The following CDK16 variants were observed in gnomAD, a reference collection of about 807,000 sequenced individuals.
CDK16 encodes cyclin-dependent kinase 16.
Under a neutral mutation model 41.6 loss-of-function variants are expected in CDK16, and 2 were observed. That is an observed-to-expected ratio of 0.05 (90% CI 0.02 to 0.15). CDK16 has a LOEUF of 0.15. Ranked by LOEUF, CDK16 falls within the 10% of genes least tolerant of loss-of-function variation. The pLI, the probability that CDK16 is intolerant of heterozygous loss-of-function variation, is 1.00. For missense variants in CDK16, 228 were observed against 428.9 expected, an observed-to-expected ratio of 0.53 and a Z score of 4.14; for synonymous variants, 169 against 169.7, an observed-to-expected ratio of 1.00 and a Z score of 0.03.
In CDK16 at chrX:47,218,727, C is replaced by G; in HGVS notation, c.-385C>G. 2 of 1,161,176 alleles carry G rather than the reference C, an allele frequency of 1.7e-6. No individual in the cohort carries two copies. The highest frequency in any genetic ancestry group is 2.3e-6 in the Non-Finnish European group (2 of 870,899). On this transcript the variant is annotated 5_prime_UTR_variant, in exon 1 of 16. Transcript: ENST00000357227. ...CTGCGTGCGCATGCGCGGAGCGCGG[C>G]GCGCGCGGCGGTTGGGCCGTTGGCT...
upstream of CDK16, chrX:47,218,656 C>G: frequency 8.6e-7 from 1 of 1,168,064 alleles, no homozygotes; most frequent in Non-Finnish European, 1.1e-6. Context: ...TTGGTACATG[C>G]AGTCCGAGGT....
At chrX:47,225,158 C>A (rs1937516834) in intron 6 of CDK16, 56 bp downstream of exon 6, 1 of 824,350 alleles carries the variant, frequency 1.2e-6, no homozygotes, top group Non-Finnish European at 1.8e-6. Flanking sequence ...CTGGCGCACA[C>A]ACTCCATAAT....
rs1033028941 is a variant in CDK16, at chrX:47,229,668, G to A, written c.*900G>A. ...TCCCCTTGCTCCCATCCCACTCGGTGCTGTTGGGTAGGGGCCCTGCCAGGA... is the reference window on the plus strand; with the variant it reads ...TCCCCTTGCTCCCATCCCACTCGGTACTGTTGGGTAGGGGCCCTGCCAGGA... On this transcript the variant is annotated 3_prime_UTR_variant, in exon 16 of 16. Coordinates refer to ENST00000357227, the MANE Select transcript of CDK16 (RefSeq NM_006201.5). 1.7e-4 allele frequency: 31 copies of A among 178,813 alleles called. No homozygotes were observed. Among genetic ancestry groups the A allele is most frequent in the Non-Finnish European group, 2.5e-4 (23 of 93,869 alleles). The allele number at this position is 178,813 out of a possible 1,213,427, so 14.7% of individuals were successfully genotyped here.
chrX:47,219,445 G>A (rs944180081), intron 1 of CDK16, among the ~76,000 whole-genome samples: 1 of 110,151 alleles, frequency 9.1e-6, no homozygotes, highest in African/African-American at 3.3e-5. Flanking sequence ...CCAATAAGTC[G>A]TGTAAGGTTC....
At chrX:47,227,146 T>C in intron 12 of CDK16, 35 bp from the exon 13 acceptor site, 1 of 1,208,822 alleles carries the variant, frequency 8.3e-7, no homozygotes. Context: ...GTGTCCAAAC[T>C]CATTTTAAAT....
In CDK16 at chrX:47,226,012, CA is replaced by C; in HGVS notation, c.778del (p.Met260CysfsTer4). 1 of 1,200,948 alleles carries C rather than the reference CA, an allele frequency of 8.3e-7. No homozygotes were observed. The highest frequency in any genetic ancestry group is 1.1e-6 in the Non-Finnish European group (1 of 889,539). ...YLDDCGNIINMHNVKLFLFQL... is the reference protein window; with the variant it reads ...YLDDCGNIINXHNVKLFLFQL... ...TGGATGACTGTGGGAACATCATCAA[CA>C]TGCACAACGTGAAAGTGGGTGTGGG... On this transcript the variant is annotated frameshift_variant, in exon 8 of 16. Coordinates refer to ENST00000357227, the MANE Select transcript of CDK16 (RefSeq NM_006201.5). LOFTEE classifies it high-confidence loss of function.
In CDK16 at chrX:47,225,071, A is replaced by G; in HGVS notation, c.603A>G (p.Glu201=). The part of the protein sequence containing the change: ...VALKEIRLEH[E]EGAPCTAIRE... ...TCAAGGAGATCAGACTGGAACATGAAGAGGGGGCACCCTGCACCGCCATCC... is the reference window on the plus strand; with the variant it reads ...TCAAGGAGATCAGACTGGAACATGAGGAGGGGGCACCCTGCACCGCCATCC... The change falls in exon 6 of 16, where the codon GAA becomes GAG. Residue 201 remains glutamate (E), a synonymous_variant. Coordinates refer to ENST00000357227, the MANE Select transcript of CDK16 (RefSeq NM_006201.5). 2 of 1,205,068 alleles carry G rather than the reference A, an allele frequency of 1.7e-6. No homozygotes were observed. Among genetic ancestry groups the G allele is most frequent in the Non-Finnish European group, 2.2e-6 (2 of 891,516 alleles).
At chrX:47,228,684 C>T (rs2055282030) in intron 15 of CDK16, 40 bp downstream of exon 15, 1 of 1,207,372 alleles carries the variant, frequency 8.3e-7, no homozygotes, top group African/African-American at 1.7e-5. Flanking sequence ...CCCCACCCAC[C>T]TACCTGCTTA....
At position 47,226,037 on chromosome X, in the gene CDK16, G is replaced by A. The variant is rs1488241127; in HGVS notation, c.792+10G>A. ...CATGCACAACGTGAAAGTGGGTGTG[G>A]GGCAGGAAGCAGGGGCACAAGGGGG... is the stretch of plus-strand genomic sequence containing the variant. On this transcript the variant is annotated intron_variant, in intron 8 of 15. Transcript: ENST00000357227. 1 of 1,192,446 alleles carries A rather than the reference G, an allele frequency of 8.4e-7. No individual in the cohort carries two copies. Among genetic ancestry groups the A allele is most frequent in the Non-Finnish European group, 1.1e-6 (1 of 885,002 alleles).
upstream of CDK16, chrX:47,218,672 C>A (rs1556796054): frequency 8.6e-7 from 1 of 1,167,786 alleles, no homozygotes; most frequent in Non-Finnish European, 1.1e-6. Context: ...GAGGTGAGTC[C>A]CCTCCTTTCC....
At chrX:47,218,484 G>C, upstream of CDK16, 1 of 696,648 alleles carries the variant, frequency 1.4e-6, no homozygotes, top group Non-Finnish European at 2.0e-6. Flanking sequence ...GACGCGCCAG[G>C]TTACTGGCCA....
At position 47,224,255 on chromosome X, in the gene CDK16, G is replaced by A. The variant is rs1937476754; in HGVS notation, c.203-130G>A. 5.8e-6 allele frequency: 4 copies of A among 690,515 alleles called. No individual in the cohort carries two copies. In the Admixed American group the frequency reaches 1.1e-4, roughly 19 times the overall value. 56.9% of individuals were successfully genotyped at this position (690,515 alleles called of 1,213,427 possible). A position where few individuals can be genotyped will look rare whatever the true frequency, so the allele number is the denominator to read the frequency against. On this transcript the variant is annotated intron_variant, in intron 2 of 15. Transcript: ENST00000357227. ...GGCTCAGGTACATCACCCTCTCCCC[G>A]AGGGACTCCAGGTTTCCTGTGGGGG...
chrX:47,222,963 C>G (rs1188793039), intron 1 of CDK16: 13 of 785,929 alleles, frequency 1.7e-5, no homozygotes, highest in East Asian at 5.5e-5. Context: ...CCCCTCCCCC[C>G]CCCCACCTGG....
In CDK16 at chrX:47,223,582, C is replaced by A; in HGVS notation, c.25C>A (p.Arg9=). ...CATGGATCGGATGAAGAAGATCAAA[C>A]GGCAGCTGTCAATGACACTCCGAGG... MDRMKKIK[R]QLSMTLRGGR... The change falls in exon 2 of 16, where the codon CGG becomes AGG. Residue 9 remains arginine (R), a synonymous_variant. Transcript: ENST00000357227. The A allele has an allele frequency of 8.3e-7, 1 of 1,211,270 alleles. No individual in the cohort carries two copies. The highest frequency in any genetic ancestry group is 2.2e-5 in the Admixed American group (1 of 46,053).
At chrX:47,219,470 G>A (rs1207997442) in intron 1 of CDK16, among the ~76,000 whole-genome samples, 6 of 110,346 alleles carry the variant, frequency 5.4e-5, no homozygotes, top group African/African-American at 2.0e-4. Context: ...CCCCGTGTGT[G>A]CTTGTGGAAG....
intron 14 of CDK16, chrX:47,227,700 T>C: frequency 2.5e-6 from 1 of 402,227 alleles, no homozygotes; most frequent in Non-Finnish European, 4.3e-6. Flanking sequence ...AATAGCACTT[T>C]ACTTTTTTTA....
intron 12 of CDK16, 37 bp downstream of exon 12, chrX:47,227,136 G>A: frequency 8.3e-7 from 1 of 1,209,474 alleles, no homozygotes; most frequent in Non-Finnish European, 1.1e-6. Flanking sequence ...AGGGGCCAGA[G>A]TGTCCAAACT....
intron 14 of CDK16, 122 bp downstream of exon 14, chrX:47,227,591 C>A: frequency 2.0e-6 from 1 of 489,215 alleles, no homozygotes; most frequent in Non-Finnish European, 3.6e-6. Context: ...ACATCTTGTT[C>A]ACGTGTGTGA....
rs1022162079 is a variant in CDK16 at position 47,222,674 on chromosome X, G to T, written c.-6-878G>T. Among the ~76,000 whole-genome samples, 19 of 94,679 alleles carry T rather than the reference G, an allele frequency of 2.0e-4. No homozygotes were observed. In the East Asian group the frequency reaches 8.1e-3, roughly 40 times the overall value. 82.2% of individuals were successfully genotyped at this position (94,679 alleles called of 115,157 possible). On this transcript the variant is annotated intron_variant, in intron 1 of 15. Coordinates refer to ENST00000357227, the MANE Select transcript of CDK16 (RefSeq NM_006201.5). ...GCGGGGGGGTGTGGGGGTGGGGGGG[G>T]GCCGTGGGCAAGAGGCAATAGGGGC... is the stretch of plus-strand genomic sequence containing the variant.
Sources: gnomAD v4.1 joint callset for allele counts (sites outside exome capture counted in the v4.1 genomes callset) on GRCh38, gnomAD v4.1.1 for gene constraint, MANE v1.5 for transcripts, NCBI Gene and HGNC (gene_info 2026-07-23, HGNC 2026-07-21) for gene names.